The following KIAA2012 variants were observed in gnomAD, a reference collection of about 807,000 sequenced individuals.
The protein encoded by KIAA2012 is KIAA2012.
In KIAA2012, 125 loss-of-function variants were observed where a neutral mutation model predicts 150.6. The observed-to-expected ratio is 0.83, with a 90% CI of 0.72 to 0.96. KIAA2012 has a LOEUF of 0.96. KIAA2012 is among the 40% of genes least tolerant of loss of function. KIAA2012 has a pLI of 0.00. For synonymous variants in KIAA2012, 462 were observed against 504.7 expected (o/e 0.92, Z 1.13); for missense variants, 1,219 against 1,354.9 (o/e 0.90, Z 1.57).
chr2:202,149,397 A>G (rs1328051374), intron 13 of KIAA2012, among the ~76,000 whole-genome samples: 1 of 152,222 alleles, frequency 6.6e-6, no homozygotes, highest in Middle Eastern at 3.2e-3. Flanking sequence ...TTCAAACGTT[A>G]AGATAATGGC....
At chr2:202,166,481 T>C (rs527510472) in intron 15 of KIAA2012, among the ~76,000 whole-genome samples, 2 of 152,196 alleles carry the variant, frequency 1.3e-5, no homozygotes, top group East Asian at 3.9e-4. Flanking sequence ...AACAAGATCC[T>C]GTCTCTACAA....
intron 5 of KIAA2012, 133 bp downstream of exon 5, chr2:202,097,710 CT>C: frequency 9.7e-7 from 1 of 1,035,818 alleles, no homozygotes; most frequent in Non-Finnish European, 1.4e-6. Context: ...CTGCCTCAGC[CT>C]CCTGAATAGC....
intron 15 of KIAA2012, among the ~76,000 whole-genome samples, chr2:202,170,311 A>G (rs1325713745): frequency 6.6e-6 from 1 of 152,192 alleles, no homozygotes; most frequent in African/African-American, 2.4e-5. Context: ...TCTGAAAATA[A>G]CAAAATTGAC....
chr2:202,179,418 A>G, intron 15 of KIAA2012: 2 of 734,486 alleles, frequency 2.7e-6, no homozygotes, highest in East Asian at 2.8e-5. Flanking sequence ...AAAGCGGCAA[A>G]TGGTGTGGTA....
chr2:202,156,069 A>T (rs540834256), intron 14 of KIAA2012, among the ~76,000 whole-genome samples: 4 of 152,238 alleles, frequency 2.6e-5, no homozygotes, highest in Admixed American at 1.3e-4. Context: ...AAACTATAAG[A>T]AGGAATTTCA....
chr2:202,129,787 T>C (rs913554250), intron 12 of KIAA2012, among the ~76,000 whole-genome samples: 8 of 152,144 alleles, frequency 5.3e-5, no homozygotes, highest in South Asian at 2.1e-4. Context: ...CCGGCCAACA[T>C]AGCAAGACCC....
chr2:202,113,790 C>A, intron 11 of KIAA2012: 1 of 214,712 alleles, frequency 4.7e-6, no homozygotes, highest in Admixed American at 5.4e-5. Context: ...TTCCAACCAC[C>A]CTGCAGAGGT....
chr2:202,127,005 C>A (rs1366700078), intron 12 of KIAA2012, among the ~76,000 whole-genome samples: 1 of 152,066 alleles, frequency 6.6e-6, no homozygotes, highest in East Asian at 1.9e-4. Context: ...GTCCAACCTC[C>A]GTTTCCCCCT....
At position 202,130,184 on chromosome 2, in the gene KIAA2012, A is replaced by G. The variant is rs538252396; in HGVS notation, c.1831+4902A>G. 1.5e-4 allele frequency among the ~76,000 whole-genome samples: 23 copies of G among 152,320 alleles called. 1 individual carries two copies. The South Asian group carries it at 4.8e-3, about 32-fold the overall frequency. On this transcript the variant is annotated intron_variant, in intron 12 of 23. Transcript: ENST00000498697. ...TTCTCTGCCAAAAAAATAGTTTAAT[A>G]AATCACTCTAAGCCTTTATTTATAG...
At chr2:202,090,720 G>A (rs1157466719) in intron 2 of KIAA2012, 50 bp from the exon 3 acceptor site, 3 of 1,496,352 alleles carry the variant, frequency 2.0e-6, no homozygotes, top group Non-Finnish European at 2.7e-6. Flanking sequence ...GTATCACTGG[G>A]TGGCTCAGGG....
chr2:202,200,715 T>C (rs1308538650), intron 22 of KIAA2012, among the ~76,000 whole-genome samples: 1 of 148,810 alleles, frequency 6.7e-6, no homozygotes, highest in Non-Finnish European at 1.5e-5. Context: ...AACTTTTTTT[T>C]TTTTTTTGGT....
intron 22 of KIAA2012, chr2:202,201,820 A>T: frequency 7.7e-7 from 1 of 1,294,590 alleles, no homozygotes; most frequent in Non-Finnish European, 1.1e-6. Context: ...GTCTGAGGGT[A>T]GACTGGATTC....
chr2:202,135,520 C>A (rs775793962), intron 12 of KIAA2012, among the ~76,000 whole-genome samples: 3 of 152,188 alleles, frequency 2.0e-5, no homozygotes, highest in Non-Finnish European at 4.4e-5. Flanking sequence ...AGTTGTGTCT[C>A]CTCCTTGACA....
Position 202,186,855 on chromosome 2 carries a change from G to A in KIAA2012, c.2211-78G>A, listed in dbSNP as rs577576814. On this transcript the variant is annotated intron_variant, in intron 16 of 23. Transcript: ENST00000498697. ...CAGTGCCTGCAGAGAACAGGTGCTC[G>A]ATGTTGGCTCACTTGCCCTCTTTCT... is the stretch of plus-strand genomic sequence containing the variant. 15 of 1,424,934 alleles carry A rather than the reference G, an allele frequency of 1.1e-5. No homozygotes were observed. The South Asian group carries it at 1.2e-4, about 12-fold the overall frequency. 88.3% of individuals were successfully genotyped at this position (1,424,934 alleles called of 1,614,324 possible).
At chr2:202,121,485 G>A (rs181933942) in intron 11 of KIAA2012, among the ~76,000 whole-genome samples, 9 of 152,094 alleles carry the variant, frequency 5.9e-5, no homozygotes, top group Non-Finnish European at 7.4e-5. Flanking sequence ...TGACTCCTTC[G>A]ATACAATATA....
intron 11 of KIAA2012, chr2:202,117,134 A>G (rs1452629056): frequency 6.6e-6 from 1 of 152,248 alleles, no homozygotes; most frequent in Admixed American, 6.5e-5. Flanking sequence ...AAGCCACTCC[A>G]AGATTCCCAC....
At chr2:202,179,627 GGAGA>G in intron 15 of KIAA2012, 1 of 659,856 alleles carries the variant, frequency 1.5e-6, no homozygotes, top group South Asian at 1.4e-5. Flanking sequence ...CAGCTAGTGC[GGAGA>G]GTAGCTTCTG....
chr2:202,167,419 T>C (rs1691792429), intron 15 of KIAA2012, among the ~76,000 whole-genome samples: 1 of 152,230 alleles, frequency 6.6e-6, no homozygotes, highest in South Asian at 2.1e-4. Flanking sequence ...CTCAGGTGAT[T>C]CTGATGCTGG....
In KIAA2012 at chr2:202,204,115, C is replaced by T. The variant is rs180809012; in HGVS notation, c.*21-883C>T. On this transcript the variant is annotated intron_variant, in intron 23 of 23. Coordinates refer to ENST00000498697, the MANE Select transcript of KIAA2012 (RefSeq NM_001277372.4). ...TTTTTAAGACAGGGTCTCACTCTGT[C>T]GTCCAAACTAGAGTGCAGTGGCGCC... 8.0e-4 allele frequency among the ~76,000 whole-genome samples: 117 copies of T among 145,622 alleles called. 1 individual carries two copies. Among genetic ancestry groups the T allele is most frequent in the Admixed American group, 6.7e-3 (97 of 14,436 alleles).
Sources: gnomAD v4.1 joint callset for allele counts (sites outside exome capture counted in the v4.1 genomes callset) on GRCh38, gnomAD v4.1.1 for gene constraint, MANE v1.5 for transcripts, NCBI Gene and HGNC (gene_info 2026-07-23, HGNC 2026-07-21) for gene names.